The following LRP1B variants were observed in gnomAD, a reference collection of about 807,000 sequenced individuals.
The protein encoded by LRP1B is LDL receptor related protein 1B.
A neutral mutation model predicts 556.6 loss-of-function variants in LRP1B; 217 were observed. That is an observed-to-expected ratio of 0.39 (90% CI 0.35 to 0.44). The LOEUF is 0.44. LRP1B is among the 20% of genes least tolerant of loss of function. The probability of loss-of-function intolerance (pLI) is 1.00; values close to 1 mark genes in which losing one functional copy is unlikely to be tolerated. For synonymous variants in LRP1B, 2,047 were observed against 1,865.8 expected (o/e 1.10, Z -2.50); for missense variants, 5,053 against 5,620.8 (o/e 0.90, Z 3.23).
chr2:141,752,691 A>G (rs1276358461), intron 2 of LRP1B, among the ~76,000 whole-genome samples: 3 of 151,444 alleles, frequency 2.0e-5, no homozygotes, highest in Admixed American at 6.6e-5. Flanking sequence ...TGGTGATGGT[A>G]AGGAGGGTGG....
intron 4 of LRP1B, among the ~76,000 whole-genome samples, chr2:141,253,067 T>G (rs539862512): frequency 5.7e-4 from 87 of 152,192 alleles, no homozygotes; most frequent in Non-Finnish European, 1.1e-3. Context: ...CAGAGCTTGA[T>G]TACTACAGGA....
intron 1 of LRP1B, among the ~76,000 whole-genome samples, chr2:141,895,109 C>T (rs1699413017): frequency 6.7e-6 from 1 of 149,922 alleles, no homozygotes; most frequent in South Asian, 2.1e-4. Flanking sequence ...TAATTTTGAT[C>T]TAACTAATTT....
intron 51 of LRP1B, among the ~76,000 whole-genome samples, chr2:140,512,484 A>T (rs1558933895): frequency 6.6e-6 from 1 of 152,158 alleles, no homozygotes. Flanking sequence ...CTTGCACACC[A>T]ACTCGGATAA....
chr2:140,649,297 C>T (rs1363391739), intron 41 of LRP1B, among the ~76,000 whole-genome samples: 1 of 152,168 alleles, frequency 6.6e-6, no homozygotes, highest in Non-Finnish European at 1.5e-5. Flanking sequence ...CAATTTCTGT[C>T]CATTTCATTC....
At chr2:141,556,837 G>T (rs1211239699) in intron 2 of LRP1B, among the ~76,000 whole-genome samples, 2 of 151,742 alleles carry the variant, frequency 1.3e-5, no homozygotes, top group African/African-American at 4.8e-5. Context: ...GATAAGAAAA[G>T]GCTGAGAGAA....
intron 1 of LRP1B, among the ~76,000 whole-genome samples, chr2:141,956,777 GATAA>G (rs1701266228): frequency 6.6e-6 from 1 of 152,032 alleles, no homozygotes; most frequent in African/African-American, 2.4e-5. Context: ...ATAAAACATA[GATAA>G]ATATTGTCCA....
At chr2:141,010,275 C>G (rs1306085908) in intron 14 of LRP1B, among the ~76,000 whole-genome samples, 1 of 151,856 alleles carries the variant, frequency 6.6e-6, no homozygotes, top group Non-Finnish European at 1.5e-5. Flanking sequence ...AATTGCTGCT[C>G]TTTATATGAG....
intron 2 of LRP1B, among the ~76,000 whole-genome samples, chr2:141,594,300 A>C (rs2105298958): frequency 6.6e-6 from 1 of 152,232 alleles, no homozygotes; most frequent in Admixed American, 6.5e-5. Flanking sequence ...GACCTAGCTA[A>C]GCTAAGGTGC....
chr2:140,689,708 C>A (rs933652115), intron 41 of LRP1B, among the ~76,000 whole-genome samples: 7 of 152,280 alleles, frequency 4.6e-5, no homozygotes, highest in African/African-American at 1.7e-4. Context: ...TTTTCCAGTT[C>A]TCCTTCTGTT....
intron 31 of LRP1B, 41 bp downstream of exon 31, chr2:140,839,950 G>A: frequency 8.4e-7 from 1 of 1,191,798 alleles, no homozygotes; most frequent in Non-Finnish European, 1.2e-6. Context: ...GTACAGGTTT[G>A]TCACATTGAA....
At chr2:140,507,479 T>G (rs1036733194) in intron 52 of LRP1B, among the ~76,000 whole-genome samples, 1 of 152,144 alleles carries the variant, frequency 6.6e-6, no homozygotes, top group African/African-American at 2.4e-5. Flanking sequence ...GGTAAGATCT[T>G]TGATGTCATC....
chr2:141,709,086 C>T (rs1028628400), intron 2 of LRP1B, among the ~76,000 whole-genome samples: 105 of 152,014 alleles, frequency 6.9e-4, no homozygotes, highest in Non-Finnish European at 2.4e-4. Context: ...TGTGGTGGCT[C>T]GTGCTTGTAA....
intron 2 of LRP1B, among the ~76,000 whole-genome samples, chr2:141,742,028 G>C (rs1055224165): frequency 1.3e-5 from 2 of 152,102 alleles, no homozygotes; most frequent in African/African-American, 2.4e-5. Flanking sequence ...AGTTTTCCCT[G>C]CAACATTGAT....
intron 7 of LRP1B, among the ~76,000 whole-genome samples, chr2:141,101,908 A>T (rs143325003): frequency 6.6e-6 from 1 of 152,312 alleles, no homozygotes; most frequent in East Asian, 1.9e-4. Flanking sequence ...CAGTTTCACA[A>T]GGTTAAAAGT....
At chr2:140,410,353 T>C (rs116643466) in intron 66 of LRP1B, among the ~76,000 whole-genome samples, 2,080 of 152,166 alleles carry the variant, frequency 0.014, 53 homozygotes, top group African/African-American at 0.048. Flanking sequence ...GTATTGATTT[T>C]TTTTTTTAGG....
Position 141,855,218 on chromosome 2 carries a change from C to G in LRP1B, c.83-44817G>C, listed in dbSNP as rs114414286. On this transcript the variant is annotated intron_variant, in intron 1 of 90. Coordinates refer to ENST00000389484, the MANE Select transcript of LRP1B (RefSeq NM_018557.3). ...GAGCATGACCATTCATTAAGAATTT[C>G]AATTTTGACAGAAGCAGATGTAACA... Among the ~76,000 whole-genome samples, 1,194 of 152,066 alleles carry G rather than the reference C, an allele frequency of 7.9e-3. 22 individuals carry two copies. The highest frequency in any genetic ancestry group is 0.027 in the African/African-American group (1,135 of 41,498).
intron 5 of LRP1B, among the ~76,000 whole-genome samples, chr2:141,244,409 C>G (rs1040755643): frequency 3.3e-5 from 5 of 152,042 alleles, no homozygotes; most frequent in Non-Finnish European, 5.9e-5. Context: ...TCTGGCTTGT[C>G]GTGGAGGGAA....
chr2:140,312,001 A>C (rs67772157), intron 83 of LRP1B, among the ~76,000 whole-genome samples: 11,069 of 151,874 alleles, frequency 0.073, 460 homozygotes, highest in Middle Eastern at 0.14. Flanking sequence ...CTACCATCTG[A>C]TGTGGGGACA....
chr2:140,281,513 A>T (rs974057495), intron 84 of LRP1B, among the ~76,000 whole-genome samples: 1 of 151,876 alleles, frequency 6.6e-6, no homozygotes, highest in African/African-American at 2.4e-5. Context: ...CAGAATGATC[A>T]TATAGGAGAA....
Sources: allele counts gnomAD v4.1 joint callset (sites outside exome capture counted in the v4.1 genomes callset), GRCh38; gene constraint gnomAD v4.1.1; transcripts MANE v1.5; gene names NCBI Gene and HGNC (gene_info 2026-07-23, HGNC 2026-07-21).